NEBL: variants seen among roughly 807,000 people sequenced by gnomAD.
The protein encoded by NEBL is LIM and SH3 protein 2.
NEBL carries 122 observed loss-of-function variants against 140.2 expected under a neutral mutation model. The observed-to-expected ratio is 0.87, with a 90% CI of 0.75 to 1.01. The LOEUF (loss-of-function observed/expected upper bound fraction) is 1.01. NEBL is among the 50% of genes least tolerant of loss of function. The pLI is 0.00. For missense variants in NEBL, 1,365 were observed against 1,231.3 expected, an observed-to-expected ratio of 1.11 and a Z score of -1.62; for synonymous variants, 436 against 398.9, an observed-to-expected ratio of 1.09 and a Z score of -1.11.
At chr10:20,990,497 G>T (rs1837417113) in intron 3 of NEBL, among the ~76,000 whole-genome samples, 1 of 152,122 alleles carries the variant, frequency 6.6e-6, no homozygotes. Context: ...CTGCAAACCA[G>T]CAAGAGGGCC....
chr10:20,805,077 A>AG (rs1294772051), intron 26 of NEBL, among the ~76,000 whole-genome samples: 1 of 152,346 alleles, frequency 6.6e-6, no homozygotes, highest in African/African-American at 2.4e-5. Context: ...GTCATGGTCC[A>AG]GCTGACAAGA....
At chr10:21,009,606 T>A (rs1838259426) in intron 3 of NEBL, among the ~76,000 whole-genome samples, 1 of 152,202 alleles carries the variant, frequency 6.6e-6, no homozygotes, top group African/African-American at 2.4e-5. Flanking sequence ...AAAACTCCAT[T>A]TTACAAAGCA....
chr10:20,817,645 T>C lies in NEBL; in HGVS notation c.2103A>G (p.Pro701=). The C allele has an allele frequency of 6.2e-7, 1 of 1,614,078 alleles. No individual in the cohort carries two copies. Among genetic ancestry groups the C allele is most frequent in the Non-Finnish European group, 8.5e-7 (1 of 1,179,932 alleles). ...TTTCTTTTGCCCTCTTCAGCTCTGG[T>C]GGATCAGAAATTGCAGTTCCCCGTT... is the stretch of plus-strand genomic sequence containing the variant. ...ELQRGTAISD[P]PELKRAKENQ... The change falls in exon 21 of 28, where the codon CCA becomes CCG. Residue 701 remains proline, a synonymous_variant. Coordinates refer to ENST00000377122, the MANE Select transcript of NEBL (RefSeq NM_006393.3).
At chr10:20,933,477 T>A (rs1437905301) in intron 4 of NEBL, among the ~76,000 whole-genome samples, 1 of 152,132 alleles carries the variant, frequency 6.6e-6, no homozygotes, top group South Asian at 2.1e-4. Context: ...CTCATACCTA[T>A]AATCCCAGCA....
At chr10:21,028,956 A>T in intron 2 of NEBL, 1 of 548,106 alleles carries the variant, frequency 1.8e-6, no homozygotes. Context: ...AATATGAGAC[A>T]AAATGCTTTT....
intron 4 of NEBL, among the ~76,000 whole-genome samples, chr10:20,953,404 C>A (rs1239828424): frequency 6.6e-6 from 1 of 152,132 alleles, no homozygotes; most frequent in East Asian, 1.9e-4. Context: ...CTTGATCTGG[C>A]ACTTCCCAGC....
intron 4 of NEBL, among the ~76,000 whole-genome samples, chr10:20,945,709 G>A (rs560211493): frequency 2.0e-5 from 3 of 152,216 alleles, no homozygotes; most frequent in Middle Eastern, 3.4e-3. Flanking sequence ...ACTAGCTTCC[G>A]TACCGACAAA....
intron 2 of NEBL, among the ~76,000 whole-genome samples, chr10:21,052,752 T>C (rs1834832852): frequency 1.3e-5 from 2 of 152,166 alleles, no homozygotes; most frequent in Admixed American, 6.5e-5. Context: ...CCAGGTTCTC[T>C]CCAGCCATGT....
At chr10:21,058,794 G>T (rs1835152104) in intron 2 of NEBL, among the ~76,000 whole-genome samples, 1 of 152,040 alleles carries the variant, frequency 6.6e-6, no homozygotes, top group African/African-American at 2.4e-5. Flanking sequence ...ATATAATTTA[G>T]TTCATTTCAG....
At chr10:21,233,180 C>T (rs1159967708) in intron 3 of NEBL, among the ~76,000 whole-genome samples, 1 of 152,176 alleles carries the variant, frequency 6.6e-6, no homozygotes, top group Non-Finnish European at 1.5e-5. Context: ...CCCACCTCAG[C>T]CTTCTGTGTA....
chr10:21,281,964 C>A (rs1842998746), intron 1 of NEBL, among the ~76,000 whole-genome samples: 1 of 152,264 alleles, frequency 6.6e-6, no homozygotes, highest in Admixed American at 6.5e-5. Flanking sequence ...CGTGAAGGTA[C>A]AACAAACAAA....
chr10:20,970,296 T>G (rs547858442), intron 3 of NEBL, among the ~76,000 whole-genome samples: 38 of 152,218 alleles, frequency 2.5e-4, no homozygotes, highest in Non-Finnish European at 4.9e-4. Context: ...GGCCAGGGAC[T>G]GTGCAATCTG....
intron 3 of NEBL, among the ~76,000 whole-genome samples, chr10:21,206,874 A>C (rs191601280): frequency 6.6e-6 from 1 of 152,280 alleles, no homozygotes; most frequent in East Asian, 1.9e-4. Context: ...CCAGAAAAAA[A>C]CATAACTAAG....
intron 2 of NEBL, chr10:21,113,308 C>CAAAAAAAAAAAAA (rs1838130738): frequency 6.3e-6 from 1 of 158,868 alleles, no homozygotes. Context: ...AAAAAAAAAC[C>CAAAAAAAAAAAAA]AGGAAAAAAC....
intron 5 of NEBL, among the ~76,000 whole-genome samples, chr10:20,876,765 A>G (rs890819965): frequency 6.6e-6 from 1 of 152,184 alleles, no homozygotes; most frequent in Non-Finnish European, 1.5e-5. Flanking sequence ...TTTCAGAACT[A>G]TTGGACTTCA....
intron 2 of NEBL, among the ~76,000 whole-genome samples, chr10:21,075,231 C>T (rs12356574): frequency 0.096 from 14,601 of 152,240 alleles, 762 homozygotes; most frequent in Non-Finnish European, 0.12. Flanking sequence ...TTTTGTGCTA[C>T]AAACCCAAGA....
intron 3 of NEBL, among the ~76,000 whole-genome samples, chr10:21,241,819 T>A (rs1842443074): frequency 1.3e-5 from 2 of 152,220 alleles, no homozygotes. Flanking sequence ...GGTGACACTT[T>A]GTAAAGTCAT....
intron 2 of NEBL, among the ~76,000 whole-genome samples, chr10:21,145,545 C>T (rs372077948): frequency 6.6e-6 from 1 of 152,172 alleles, no homozygotes; most frequent in Non-Finnish European, 1.5e-5. Flanking sequence ...AATATGTATA[C>T]ACCTTTTCAT....
intron 26 of NEBL, among the ~76,000 whole-genome samples, chr10:20,787,783 G>A (rs1188194310): frequency 2.6e-5 from 4 of 152,036 alleles, no homozygotes; most frequent in South Asian, 2.1e-4. Context: ...TTACAAAGAC[G>A]GCAAACATAA....
Sources: allele counts gnomAD v4.1 joint callset (sites outside exome capture counted in the v4.1 genomes callset), GRCh38; gene constraint gnomAD v4.1.1; transcripts MANE v1.5; gene names NCBI Gene and HGNC (gene_info 2026-07-23, HGNC 2026-07-21).